RNF130: variants seen among roughly 807,000 people sequenced by gnomAD.
RNF130 encodes the protein E3 ubiquitin-protein ligase RNF130.
In RNF130, 21 loss-of-function variants were observed where a neutral mutation model predicts 44.6. The ratio of observed to expected loss-of-function variants is 0.47; its 90% CI spans 0.33 to 0.68. The LOEUF is 0.68. Ranked by LOEUF, RNF130 falls within the 30% of genes least tolerant of loss-of-function variation. The pLI is 0.02. For missense variants in RNF130, 479 were observed against 560.6 expected (o/e 0.85, Z 1.47); for synonymous variants, 214 against 210.4 (o/e 1.02, Z -0.15).
intron 7 of RNF130, chr5:179,939,411 A>C (rs955339382): frequency 1.7e-5 from 3 of 172,710 alleles, no homozygotes; most frequent in Non-Finnish European, 3.7e-5. Context: ...ATATTCAAAA[A>C]AATGTTCCTG....
At chr5:179,998,776 C>G (rs1326883931) in intron 3 of RNF130, among the ~76,000 whole-genome samples, 1 of 149,308 alleles carries the variant, frequency 6.7e-6, no homozygotes, top group African/African-American at 2.5e-5. Context: ...TCTAGATGAT[C>G]TGTCTAATGC....
At chr5:180,021,042 C>CGCAATCTGGACTCACT (rs1554105070) in intron 2 of RNF130, among the ~76,000 whole-genome samples, 1 of 151,198 alleles carries the variant, frequency 6.6e-6, no homozygotes, top group African/African-American at 2.4e-5. Context: ...AGTGCAGTGG[C>CGCAATCTGGACTCACT]GCAATCTCTG....
At chr5:179,971,963 G>A (rs989245526) in intron 5 of RNF130, among the ~76,000 whole-genome samples, 3 of 152,160 alleles carry the variant, frequency 2.0e-5, no homozygotes, top group Non-Finnish European at 4.4e-5. Context: ...TATCAATCTA[G>A]TCTTAAATTC....
At chr5:180,046,130 C>T (rs574617644) in intron 1 of RNF130, among the ~76,000 whole-genome samples, 81 of 152,296 alleles carry the variant, frequency 5.3e-4, no homozygotes, top group South Asian at 3.9e-3. Flanking sequence ...GACCGCGGCG[C>T]GTGCAGGCCC....
At chr5:179,938,461 T>G (rs1055047891) in intron 7 of RNF130, among the ~76,000 whole-genome samples, 1 of 151,946 alleles carries the variant, frequency 6.6e-6, no homozygotes, top group Non-Finnish European at 1.5e-5. Context: ...TTTGGGGTGA[T>G]GAAAACGTTT....
chr5:179,914,708 G>T (rs1761516676), exon 8 of RNF130: 1 of 152,242 alleles, frequency 6.6e-6, no homozygotes, highest in African/African-American at 2.4e-5. Flanking sequence ...AGATACTTCA[G>T]CAGGACAAGA....
At chr5:180,013,923 G>A (rs1228722416) in intron 2 of RNF130, among the ~76,000 whole-genome samples, 1 of 152,130 alleles carries the variant, frequency 6.6e-6, no homozygotes. Flanking sequence ...AGTGCCAAAT[G>A]GTGCCACCTT....
In RNF130 at chr5:180,013,333, TAA is replaced by T. The variant is rs753850140; in HGVS notation, c.443-24_443-23del. 2.5e-6 allele frequency: 4 copies of T among 1,577,302 alleles called. No homozygotes were observed. The South Asian group carries it at 4.7e-5, about 18-fold the overall frequency. On this transcript the variant is annotated intron_variant, in intron 2 of 8. Transcript: ENST00000521389. ...GTGCCTGCAATATAAAATAAATATA[TAA>T]CTCAAGTGACATTTAAAACTTATGG...
At chr5:179,916,801 T>C (rs1364431670) in exon 8 of RNF130, 1 of 152,368 alleles carries the variant, frequency 6.6e-6, no homozygotes, top group Non-Finnish European at 1.5e-5. Context: ...TGCCAAGCTC[T>C]GCCTCCTGCG....
chr5:179,997,626 C>T (rs1269745101), intron 3 of RNF130, among the ~76,000 whole-genome samples: 4 of 151,988 alleles, frequency 2.6e-5, no homozygotes, highest in Admixed American at 6.6e-5. Flanking sequence ...CCGCGAGTGG[C>T]CTTATGTTTG....
At chr5:180,039,554 G>A (rs1764356653) in intron 2 of RNF130, among the ~76,000 whole-genome samples, 1 of 152,180 alleles carries the variant, frequency 6.6e-6, no homozygotes, top group South Asian at 2.1e-4. Flanking sequence ...AAGTCAGAGG[G>A]CACTAAAGTT....
chr5:179,951,695 T>C (rs1400529303), downstream of RNF130, among the ~76,000 whole-genome samples: 3 of 152,196 alleles, frequency 2.0e-5, no homozygotes, highest in Non-Finnish European at 2.9e-5. Context: ...AAATTTATGA[T>C]TGAAATCATA....
chr5:180,015,222 T>C (rs1380441781), intron 2 of RNF130: 3 of 405,844 alleles, frequency 7.4e-6, no homozygotes, highest in African/African-American at 2.0e-5. Context: ...TTAGAGACAA[T>C]CACAAAATAA....
chr5:180,008,779 G>A (rs1054572868), intron 3 of RNF130, among the ~76,000 whole-genome samples: 1 of 152,110 alleles, frequency 6.6e-6, no homozygotes, highest in African/African-American at 2.4e-5. Flanking sequence ...AGCTACTCGG[G>A]AGGCAGAGGT....
intron 3 of RNF130, among the ~76,000 whole-genome samples, chr5:180,003,218 G>A (rs774616187): frequency 3.3e-5 from 5 of 152,094 alleles, no homozygotes; most frequent in Non-Finnish European, 7.3e-5. Flanking sequence ...ATGGAGGCAC[G>A]AAGAGGGGGG....
intron 7 of RNF130, among the ~76,000 whole-genome samples, chr5:179,923,240 A>AT (rs538576312): frequency 0.045 from 6,489 of 145,406 alleles, 438 homozygotes; most frequent in African/African-American, 0.15. Context: ...GTTGAAGTTC[A>AT]TTTTTTTTTT....
intron 3 of RNF130, among the ~76,000 whole-genome samples, chr5:179,991,981 C>A (rs1345725536): frequency 6.6e-6 from 1 of 152,058 alleles, no homozygotes; most frequent in Non-Finnish European, 1.5e-5. Flanking sequence ...TAATGCCACC[C>A]CTGATCTGAG....
At chr5:179,949,928 A>G (rs1360703290) in intron 7 of RNF130, among the ~76,000 whole-genome samples, 2 of 152,198 alleles carry the variant, frequency 1.3e-5, no homozygotes, top group African/African-American at 4.8e-5. Context: ...TAATCTTGCT[A>G]AAACTTCTGT....
intron 5 of RNF130, among the ~76,000 whole-genome samples, chr5:179,970,987 T>C (rs913726350): frequency 1.3e-5 from 2 of 152,188 alleles, no homozygotes; most frequent in African/African-American, 4.8e-5. Flanking sequence ...GCAACTTATG[T>C]TGAATGTTTA....
Sources: gnomAD v4.1 joint callset for allele counts (sites outside exome capture counted in the v4.1 genomes callset) on GRCh38, gnomAD v4.1.1 for gene constraint, MANE v1.5 for transcripts, NCBI Gene and HGNC (gene_info 2026-07-23, HGNC 2026-07-21) for gene names.